The following ZNF521 variants were observed in gnomAD, a reference collection of about 807,000 sequenced individuals.
ZNF521 encodes the protein zinc finger protein 521.
A neutral mutation model predicts 105.5 loss-of-function variants in ZNF521; 14 were observed. That is an observed-to-expected ratio of 0.13 (90% CI 0.09 to 0.21). ZNF521 has a LOEUF of 0.21. Ranked by LOEUF, ZNF521 falls within the 10% of genes least tolerant of loss-of-function variation. The pLI is 1.00. For missense variants in ZNF521, 1,233 were observed against 1,629.7 expected (o/e 0.76, Z 4.19); for synonymous variants, 635 against 606.0 (o/e 1.05, Z -0.70).
chr18:25,148,185 A>T (rs1182316966), intron 5 of ZNF521, among the ~76,000 whole-genome samples: 1 of 152,230 alleles, frequency 6.6e-6, no homozygotes, highest in African/African-American at 2.4e-5. Flanking sequence ...GGAAATAGAT[A>T]ATGAATCCTG....
chr18:25,192,703 C>A (rs7238621), intron 5 of ZNF521, among the ~76,000 whole-genome samples: 28,324 of 147,812 alleles, frequency 0.19, 2,805 homozygotes, highest in East Asian at 0.31. Flanking sequence ...AAAAAAAAAA[C>A]CACACACAGA....
intron 5 of ZNF521, among the ~76,000 whole-genome samples, chr18:25,164,804 A>G (rs1324817220): frequency 6.6e-6 from 1 of 152,204 alleles, no homozygotes; most frequent in African/African-American, 2.4e-5. Context: ...ACAGAAGATG[A>G]CCAGCTGGCA....
intron 5 of ZNF521, among the ~76,000 whole-genome samples, chr18:25,159,983 T>G (rs2144518848): frequency 6.6e-6 from 1 of 152,284 alleles, no homozygotes; most frequent in African/African-American, 2.4e-5. Flanking sequence ...AATGTGTCAT[T>G]AGTTTGTAAT....
At chr18:25,283,927 C>A (rs1055047700) in intron 3 of ZNF521, among the ~76,000 whole-genome samples, 1 of 140,626 alleles carries the variant, frequency 7.1e-6, no homozygotes, top group Non-Finnish European at 1.6e-5. Flanking sequence ...TACTTTCCCC[C>A]CCCCCCAAAA....
chr18:25,086,819 T>C (rs957138937), intron 7 of ZNF521, among the ~76,000 whole-genome samples: 2 of 152,194 alleles, frequency 1.3e-5, no homozygotes. Context: ...TTTTGGTAGA[T>C]GTTTGACTAA....
At chr18:25,291,907 A>G (rs568426250) in intron 3 of ZNF521, among the ~76,000 whole-genome samples, 14 of 151,938 alleles carry the variant, frequency 9.2e-5, no homozygotes, top group Non-Finnish European at 1.9e-4. Context: ...CATTCCAGTC[A>G]TTTGGAAGTT....
chr18:25,205,141 TAAAAA>T (rs34563599), intron 4 of ZNF521, among the ~76,000 whole-genome samples: 15 of 74,934 alleles, frequency 2.0e-4, no homozygotes, highest in African/African-American at 5.6e-4. Context: ...GTAGTGAAGG[TAAAAA>T]AAAAAAAAAA....
chr18:25,252,514 G>A (rs1324867869), intron 3 of ZNF521, among the ~76,000 whole-genome samples: 2 of 151,664 alleles, frequency 1.3e-5, no homozygotes, highest in Admixed American at 6.6e-5. Context: ...GGACTACATT[G>A]CAACTTATTT....
At chr18:25,077,303 T>C (rs899465312) in intron 7 of ZNF521, among the ~76,000 whole-genome samples, 1 of 152,188 alleles carries the variant, frequency 6.6e-6, no homozygotes, top group East Asian at 1.9e-4. Context: ...GTTCCCCTTA[T>C]AAATCTGCCC....
intron 5 of ZNF521, among the ~76,000 whole-genome samples, chr18:25,147,549 G>C (rs188701305): frequency 1.3e-3 from 205 of 152,216 alleles, no homozygotes; most frequent in African/African-American, 4.7e-3. Context: ...GATTACATTA[G>C]TTCGACAGCT....
At position 25,066,080 on chromosome 18, in the gene ZNF521, G is replaced by A. The variant is rs1033356163; in HGVS notation, c.3907-3339C>T. ...AAGAAATCTGGCATGAGAAATGTAA[G>A]GGCAGGAAGTCCTCTTGGTGTGGAG... On this transcript the variant is annotated intron_variant, in intron 7 of 7. Transcript: ENST00000361524. Among the ~76,000 whole-genome samples, 9 of 152,296 alleles carry A rather than the reference G, an allele frequency of 5.9e-5. No individual in the cohort carries two copies. In the East Asian group the frequency reaches 1.2e-3, roughly 20 times the overall value.
At chr18:25,231,927 T>C (rs998067549) in intron 3 of ZNF521, among the ~76,000 whole-genome samples, 10 of 152,190 alleles carry the variant, frequency 6.6e-5, no homozygotes, top group African/African-American at 2.4e-4. Context: ...CTTCTGATAA[T>C]GTTCTTCATA....
intron 2 of ZNF521, among the ~76,000 whole-genome samples, chr18:25,340,891 T>C (rs1914163144): frequency 6.6e-6 from 1 of 152,216 alleles, no homozygotes; most frequent in African/African-American, 2.4e-5. Flanking sequence ...CAGCTACCTT[T>C]AACAGGAGCT....
chr18:25,125,261 G>C (rs78386914), intron 5 of ZNF521, among the ~76,000 whole-genome samples: 2 of 152,000 alleles, frequency 1.3e-5, no homozygotes, highest in African/African-American at 2.4e-5. Flanking sequence ...TTGAACATTA[G>C]TCTTATATTT....
chr18:25,100,337 AAACT>A (rs1307482156), intron 5 of ZNF521, among the ~76,000 whole-genome samples: 1 of 152,120 alleles, frequency 6.6e-6, no homozygotes, highest in Non-Finnish European at 1.5e-5. Flanking sequence ...TTTAGATGAG[AAACT>A]AAGTCAAGCA....
chr18:25,224,290 G>C (rs961733417), intron 4 of ZNF521, 55 bp downstream of exon 4: 1 of 1,463,522 alleles, frequency 6.8e-7, no homozygotes, highest in Non-Finnish European at 9.4e-7. Context: ...TAAACATAAA[G>C]CAGGGACCGT....
intron 5 of ZNF521, among the ~76,000 whole-genome samples, chr18:25,094,792 C>T (rs1200607252): frequency 6.6e-6 from 1 of 152,112 alleles, no homozygotes; most frequent in African/African-American, 2.4e-5. Flanking sequence ...CATTTCCCTA[C>T]TCCCTTCCCC....
intron 3 of ZNF521, among the ~76,000 whole-genome samples, chr18:25,240,488 A>G (rs536211021): frequency 2.0e-5 from 3 of 152,296 alleles, no homozygotes; most frequent in East Asian, 1.9e-4. Context: ...ATGCTTGCCC[A>G]CGACACTGAC....
At chr18:25,106,914 G>A (rs2034084388) in intron 5 of ZNF521, among the ~76,000 whole-genome samples, 1 of 152,152 alleles carries the variant, frequency 6.6e-6, no homozygotes, top group African/African-American at 2.4e-5. Flanking sequence ...GGCCTGGTAT[G>A]TTAGCAAACA....
Sources: allele counts gnomAD v4.1 joint callset (sites outside exome capture counted in the v4.1 genomes callset), GRCh38; gene constraint gnomAD v4.1.1; transcripts MANE v1.5; gene names NCBI Gene and HGNC (gene_info 2026-07-23, HGNC 2026-07-21).